The following MYEF2 variants were observed in gnomAD, a reference collection of about 807,000 sequenced individuals.
The protein encoded by MYEF2 is myelin gene expression factor 2.
MYEF2 carries 37 observed loss-of-function variants against 75.2 expected under a neutral mutation model. That is an observed-to-expected ratio of 0.49 (90% CI 0.38 to 0.65). MYEF2 has a LOEUF of 0.65. Among genes scored for constraint, MYEF2 ranks in the 30% least tolerant of loss-of-function variants. MYEF2 has a pLI of 0.00. For synonymous variants in MYEF2, 195 were observed against 241.6 expected, an observed-to-expected ratio of 0.81 and a Z score of 1.79; for missense variants, 634 against 771.4, an observed-to-expected ratio of 0.82 and a Z score of 2.11.
chr15:48,171,026 A>AG (rs945123250), intron 1 of MYEF2, among the ~76,000 whole-genome samples: 4 of 152,134 alleles, frequency 2.6e-5, no homozygotes, highest in African/African-American at 9.7e-5. Flanking sequence ...GGCATGGCCT[A>AG]GGGGGGAGTC....
At chr15:48,165,015 T>C (rs1424178681) in intron 5 of MYEF2, among the ~76,000 whole-genome samples, 1 of 152,150 alleles carries the variant, frequency 6.6e-6, no homozygotes, top group Admixed American at 6.6e-5. Context: ...TTATCAGTAG[T>C]ACTACTACCA....
At position 48,178,053 on chromosome 15, in the gene MYEF2, G is replaced by A. The variant is rs774352728; in HGVS notation, c.161+24C>T. 1.6e-5 allele frequency: 26 copies of A among 1,582,838 alleles called. No homozygotes were observed. The African/African-American group carries it at 3.2e-4, about 19-fold the overall frequency. On this transcript the variant is annotated intron_variant, in intron 1 of 16. Transcript: ENST00000324324. ...GACTCCCCGCCCCCCACCTCGCCCC[G>A]GTTCCCGGAGGAAAAGACAATACAT...
chr15:48,157,768 A>T, intron 9 of MYEF2: 4 of 1,273,204 alleles, frequency 3.1e-6, no homozygotes, highest in Non-Finnish European at 4.0e-6. Flanking sequence ...TTTAGAATGT[A>T]TTGCTGATTA....
In MYEF2 at chr15:48,149,378, T is replaced by C; in HGVS notation, c.1379-7A>G. On this transcript the variant is annotated splice_region_variant and splice_polypyrimidine_tract_variant and intron_variant, in intron 14 of 16. Transcript: ENST00000324324. The surrounding 1 kb of genome is among the most constrained non-coding windows in gnomAD (Gnocchi z 4.0). The stretch of plus-strand genomic sequence containing the variant: ...ATGCTACCCATTCCACCACCTGGAT[T>C]TTCAAGAAAGGACGGGGGGATTTGG... 6.2e-7 allele frequency: 1 copy of C among 1,611,976 alleles called. No individual in the cohort carries two copies. Among genetic ancestry groups the C allele is most frequent in the Non-Finnish European group, 8.5e-7 (1 of 1,178,660 alleles).
rs2038984876 is a variant in MYEF2 at position 48,139,372 on chromosome 15, T to C, written c.*3536A>G. The C allele has an allele frequency of 1.5e-5, 7 of 455,710 alleles. No individual in the cohort carries two copies. The highest frequency in any genetic ancestry group is 2.4e-5 in the Non-Finnish European group (6 of 255,306). The allele number at this position is 455,710 out of a possible 1,614,324, so 28.2% of individuals were successfully genotyped here. A position where few individuals can be genotyped will look rare whatever the true frequency, so the allele number is the denominator to read the frequency against. ...TGAGTTGCATATTATATATAAACTGTATTTTCCACTGTTATTTAGCCTGGG... is the reference window on the plus strand; with the variant it reads ...TGAGTTGCATATTATATATAAACTGCATTTTCCACTGTTATTTAGCCTGGG... On this transcript the variant is annotated 3_prime_UTR_variant, in exon 17 of 17. Transcript: ENST00000324324.
At chr15:48,174,520 G>C (rs2140944133) in intron 1 of MYEF2, among the ~76,000 whole-genome samples, 1 of 151,474 alleles carries the variant, frequency 6.6e-6, no homozygotes, top group African/African-American at 2.4e-5. Flanking sequence ...GGCAACCTAA[G>C]AAATGAGAGA....
intron 2 of MYEF2, 143 bp downstream of exon 2, chr15:48,168,488 G>A (rs529158102): frequency 4.6e-6 from 3 of 651,072 alleles, no homozygotes; most frequent in Non-Finnish European, 7.8e-6. Flanking sequence ...AGAGAAAGAA[G>A]AGGAAAAGAT....
At position 48,165,926 on chromosome 15, in the gene MYEF2, A is replaced by G. The variant is rs2040116363; in HGVS notation, c.525+7T>C. 4.0e-6 allele frequency: 6 copies of G among 1,488,580 alleles called. No homozygotes were observed. The highest frequency in any genetic ancestry group is 5.5e-6 in the Non-Finnish European group (6 of 1,092,368). 92.2% of individuals were successfully genotyped at this position (1,488,580 alleles called of 1,614,324 possible). The stretch of plus-strand genomic sequence containing the variant: ...AATGTTTAAATTCTAAATATGAGAA[A>G]TCTTACCTCTTTAATATTAAGGGGT... On this transcript the variant is annotated splice_region_variant and intron_variant, in intron 5 of 16. Transcript: ENST00000324324.
At chr15:48,144,605 A>G (rs1884873369) in intron 16 of MYEF2, among the ~76,000 whole-genome samples, 1 of 151,962 alleles carries the variant, frequency 6.6e-6, no homozygotes, top group African/African-American at 2.4e-5. Flanking sequence ...TGAAATGGGG[A>G]AAAAAAGCAA....
intron 10 of MYEF2, 89 bp downstream of exon 10, chr15:48,153,703 T>G (rs2140854851): frequency 9.4e-7 from 1 of 1,065,322 alleles, no homozygotes; most frequent in Admixed American, 2.1e-5. Context: ...TTAGAGTCCT[T>G]TAAACATTAT....
rs193025405 is a variant in MYEF2, at chr15:48,161,779, G to C, written c.526-1975C>G. ...ATCTGTAGTACATGTCCTTTGAAGA[G>C]AAACAGAAAACATAAAACAGAAAAT... On this transcript the variant is annotated intron_variant, in intron 5 of 16. Transcript: ENST00000324324. Among the ~76,000 whole-genome samples the C allele has an allele frequency of 7.3e-5, 11 of 149,846 alleles. 1 individual carries two copies. The East Asian group carries it at 1.7e-3, about 23-fold the overall frequency.
intron 6 of MYEF2, 22 bp from the exon 7 acceptor site, chr15:48,158,944 G>A: frequency 6.2e-7 from 1 of 1,603,002 alleles, no homozygotes; most frequent in African/African-American, 1.3e-5. Context: ...ATTGTATAAA[G>A]TTACATACCT....
intron 16 of MYEF2, among the ~76,000 whole-genome samples, chr15:48,144,710 GA>G: frequency 6.6e-6 from 1 of 151,924 alleles, no homozygotes; most frequent in African/African-American, 2.4e-5. Context: ...ACAATTTCCA[GA>G]GTCCTCTTAA....
intron 1 of MYEF2, among the ~76,000 whole-genome samples, chr15:48,175,581 T>C (rs1050749535): frequency 6.6e-6 from 1 of 152,120 alleles, no homozygotes; most frequent in South Asian, 2.1e-4. Context: ...CTTCAAAATA[T>C]ACAATTTTTG....
At chr15:48,172,362 T>C (rs1470488085) in intron 1 of MYEF2, among the ~76,000 whole-genome samples, 2 of 147,894 alleles carry the variant, frequency 1.4e-5, no homozygotes, top group African/African-American at 5.0e-5. Flanking sequence ...ATCACACCAT[T>C]GCACATTTTT....
At position 48,168,888 on chromosome 15, in the gene MYEF2, T is replaced by C. The variant is rs1270273769; in HGVS notation, c.162-49A>G. The stretch of plus-strand genomic sequence containing the variant: ...AAACAAAAACCCTCAGTTGTGCTTA[T>C]AAGAATGGAAGTCTATATTAAATAA... On this transcript the variant is annotated intron_variant, in intron 1 of 16. Coordinates refer to ENST00000324324, the MANE Select transcript of MYEF2 (RefSeq NM_016132.5). 2.1e-5 allele frequency: 30 copies of C among 1,399,362 alleles called. No individual in the cohort carries two copies. In the Admixed American group the frequency reaches 6.0e-4, roughly 28 times the overall value. 86.7% of individuals were successfully genotyped at this position (1,399,362 alleles called of 1,614,324 possible). A position where few individuals can be genotyped will look rare whatever the true frequency, so the allele number is the denominator to read the frequency against.
chr15:48,156,173 T>C (rs1437164342), intron 9 of MYEF2, among the ~76,000 whole-genome samples: 4 of 152,166 alleles, frequency 2.6e-5, no homozygotes, highest in Non-Finnish European at 5.9e-5. Context: ...TAAATGCTTA[T>C]ATTAGAAAGG....
Position 48,153,725 on chromosome 15 carries a change from T to C in MYEF2, c.1087+67A>G, listed in dbSNP as rs1450166807. The stretch of plus-strand genomic sequence containing the variant: ...CCTTTAAACATTATTACAGACCACA[T>C]CAATGGAGGCTTTATTAGCTAGCAT... On this transcript the variant is annotated intron_variant, in intron 10 of 16. Transcript: ENST00000324324. 4.7e-6 allele frequency: 6 copies of C among 1,272,178 alleles called. No homozygotes were observed. In the African/African-American group the frequency reaches 7.4e-5, roughly 16 times the overall value. The allele number at this position is 1,272,178 out of a possible 1,614,324, so 78.8% of individuals were successfully genotyped here.
intron 1 of MYEF2, among the ~76,000 whole-genome samples, chr15:48,169,334 T>A (rs2040241311): frequency 6.6e-6 from 1 of 152,212 alleles, no homozygotes; most frequent in East Asian, 1.9e-4. Flanking sequence ...ATTAGAAGCA[T>A]AATTAAAATA....
Sources: gnomAD v4.1 joint callset for allele counts (sites outside exome capture counted in the v4.1 genomes callset) on GRCh38, gnomAD v4.1.1 for gene constraint, Gnocchi (gnomAD v3.1) non-coding constraint, MANE v1.5 for transcripts, NCBI Gene and HGNC (gene_info 2026-07-23, HGNC 2026-07-21) for gene names.